Variants in KIF1A observed in about 807,000 individuals in gnomAD.
KIF1A encodes kinesin-like protein KIF1A.
A neutral mutation model predicts 227.3 loss-of-function variants in KIF1A; 46 were observed. That is an observed-to-expected ratio of 0.20 (90% CI 0.16 to 0.26). The LOEUF is 0.26. Ranked by LOEUF, KIF1A falls within the 10% of genes least tolerant of loss-of-function variation. The probability of loss-of-function intolerance (pLI) is 1.00; values close to 1 mark genes in which losing one functional copy is unlikely to be tolerated. For synonymous variants in KIF1A, 1,022 were observed against 1,012.8 expected (o/e 1.01, Z -0.17); for missense variants, 1,683 against 2,485.9 (o/e 0.68, Z 6.87).
At chr2:240,754,156 C>A (rs978615835) in intron 27 of KIF1A, among the ~76,000 whole-genome samples, 2 of 152,214 alleles carry the variant, frequency 1.3e-5, no homozygotes, top group Non-Finnish European at 2.9e-5. Flanking sequence ...CCAGACTGTG[C>A]CCCAAAGGTG....
Position 240,766,745 on chromosome 2 carries a change from T to TCACACACA in KIF1A, c.1684+169_1684+170insTGTGTGTG, listed in dbSNP as rs1263248431. ...AAATCTCTCTCTCTCTCTCTCTCTC[T>TCACACACA]CTCTCACACACACACACACACACAC... On this transcript the variant is annotated intron_variant, in intron 19 of 48. Transcript: ENST00000498729. The surrounding 1 kb of genome is among the most constrained non-coding windows in gnomAD (Gnocchi z 5.0). Among the ~76,000 whole-genome samples, 2,411 of 126,648 alleles carry TCACACACA rather than the reference T, an allele frequency of 0.019. 38 individuals carry two copies. The highest frequency in any genetic ancestry group is 0.028 in the Middle Eastern group (7 of 252). 83.1% of individuals were successfully genotyped at this position (126,648 alleles called of 152,430 possible).
In KIF1A at chr2:240,778,288, C is replaced by G. The variant is rs2053046586; in HGVS notation, c.883-2362G>C. 6.6e-6 allele frequency among the ~76,000 whole-genome samples: 1 copy of G among 152,066 alleles called. No individual in the cohort carries two copies. The highest frequency in any genetic ancestry group is 1.5e-5 in the Non-Finnish European group (1 of 68,018). ...TTTACACAGTTCCACGCGATCCTCA[C>G]CTAGGTCTCTACATAGGGCCTCGTT... is the stretch of plus-strand genomic sequence containing the variant. On this transcript the variant is annotated intron_variant, in intron 10 of 48. Transcript: ENST00000498729. The surrounding 1 kb of genome is among the most constrained non-coding windows in gnomAD (Gnocchi z 7.2).
chr2:240,720,878 G>A (rs1351585318), intron 45 of KIF1A, 36 bp downstream of exon 45: 3 of 1,523,414 alleles, frequency 2.0e-6, no homozygotes, highest in East Asian at 2.4e-5. Context: ...CAGCCGTGGT[G>A]CCAGAAGCCA....
intron 31 of KIF1A, 98 bp from the exon 32 acceptor site, chr2:240,745,615 G>C: frequency 6.8e-7 from 1 of 1,476,382 alleles, no homozygotes; most frequent in East Asian, 2.4e-5. Context: ...GGGGCGTTCA[G>C]GGCCTGCGGG....
chr2:240,769,012 T>C, intron 17 of KIF1A, 121 bp downstream of exon 17: 1 of 847,554 alleles, frequency 1.2e-6, no homozygotes, highest in Non-Finnish European at 2.0e-6. Context: ...CCCCAGTGCC[T>C]GGGCCAGAGC....
Position 240,787,242 on chromosome 2 carries a change from G to T in KIF1A, c.429+9C>A. On this transcript the variant is annotated intron_variant, in intron 5 of 48. Coordinates refer to ENST00000498729, the MANE Select transcript of KIF1A (RefSeq NM_001244008.2). ...GCCCCAGCGGCCAACGGCAGGCGGG[G>T]AGCCCTACCTCCACGGAGTAGGACA... The T allele has an allele frequency of 6.2e-7, 1 of 1,610,574 alleles. No individual in the cohort carries two copies. Among genetic ancestry groups the T allele is most frequent in the Non-Finnish European group, 8.5e-7 (1 of 1,177,552 alleles).
rs1230370623 is a variant in KIF1A, at chr2:240,725,619, C to T, written c.4123-215G>A. ...GACAGGTAGCCACAGCTCTGTCCAC[C>T]CCTGGGCTGCCTGAGGGACTGGTCT... is the stretch of plus-strand genomic sequence containing the variant. On this transcript the variant is annotated intron_variant, in intron 39 of 48. Coordinates refer to ENST00000498729, the MANE Select transcript of KIF1A (RefSeq NM_001244008.2). This position sits in a 1 kb window ranked among gnomAD's most constrained non-coding sequence, Gnocchi z 5.8. 7 of 557,976 alleles carry T rather than the reference C, an allele frequency of 1.3e-5. No homozygotes were observed. The highest frequency in any genetic ancestry group is 4.7e-4 in the Middle Eastern group (1 of 2,106). The allele number at this position is 557,976 out of a possible 1,614,324, so 34.6% of individuals were successfully genotyped here. A position where few individuals can be genotyped will look rare whatever the true frequency, so the allele number is the denominator to read the frequency against.
rs1270562558 is a variant in KIF1A, at chr2:240,736,247, G to A, written c.4007+816C>T. 6.6e-6 allele frequency among the ~76,000 whole-genome samples: 1 copy of A among 152,132 alleles called. No individual in the cohort carries two copies. The highest frequency in any genetic ancestry group is 6.5e-5 in the Admixed American group (1 of 15,282). The stretch of plus-strand genomic sequence containing the variant: ...AAACACAGCCATGGAGACACCTGCG[G>A]CTTCAGCTCTGAGGGTCCACTCTGG... On this transcript the variant is annotated intron_variant, in intron 38 of 48. Transcript: ENST00000498729. The surrounding 1 kb of genome is among the most constrained non-coding windows in gnomAD (Gnocchi z 4.7).
chr2:240,740,101 T>C lies in KIF1A; in HGVS notation c.3858A>G (p.Thr1286=). Residue 1286 remains threonine (T), a synonymous_variant, in exon 37 of 49, where the codon ACA becomes ACG. Transcript: ENST00000498729. The surrounding 1 kb of genome is among the most constrained non-coding windows in gnomAD (Gnocchi z 6.1). ...CTTCCTTCCAGCGGATATGGCTGCC[T>C]GTCTCATGCAGTAGTGTCACCGTAA... ...RRITVTLLHE[T]GSHIRWKEVR... The C allele has an allele frequency of 6.3e-7, 1 of 1,590,504 alleles. No individual in the cohort carries two copies. The highest frequency in any genetic ancestry group is 1.1e-5 in the South Asian group (1 of 87,298).
intron 1 of KIF1A, 56 bp from the exon 2 acceptor site, chr2:240,797,868 A>G: frequency 1.5e-6 from 1 of 653,524 alleles, no homozygotes; most frequent in Non-Finnish European, 2.7e-6. Context: ...CAGGACAGGC[A>G]CTCCGGCTGC....
At chr2:240,768,500 G>A (rs965919679) in intron 17 of KIF1A, among the ~76,000 whole-genome samples, 12 of 152,364 alleles carry the variant, frequency 7.9e-5, no homozygotes, top group African/African-American at 2.9e-4. Context: ...TGGGGTGGGT[G>A]TGTGGGGGTT....
chr2:240,745,044 T>C (rs889585464), intron 32 of KIF1A, among the ~76,000 whole-genome samples: 1 of 152,082 alleles, frequency 6.6e-6, no homozygotes, highest in African/African-American at 2.4e-5. Flanking sequence ...CTCGGGACGT[T>C]GCCGGCACCC....
intron 2 of KIF1A, among the ~76,000 whole-genome samples, chr2:240,795,716 A>G (rs1002738697): frequency 2.6e-5 from 4 of 152,216 alleles, no homozygotes; most frequent in African/African-American, 9.6e-5. Flanking sequence ...GCCAGGGGGC[A>G]GGTCGGAGGC....
In KIF1A at chr2:240,725,288, G is replaced by T; in HGVS notation, c.4239C>A (p.Ser1413Arg). ...GAGCTTACCTCTCTGAGGCCCGAAG[G>T]CTCCCACTGCCAAAGAGGTTGCGGA... is the stretch of plus-strand genomic sequence containing the variant. ...RSIRNLFGSG[S>R]LRASESNRVT... Residue 1413 changes from serine to arginine, a missense_variant, in exon 40 of 49, where the codon AGC (serine) becomes AGA (arginine). Transcript: ENST00000498729. The surrounding 1 kb of genome is among the most constrained non-coding windows in gnomAD (Gnocchi z 5.8). 6.2e-7 allele frequency: 1 copy of T among 1,606,124 alleles called. No homozygotes were observed. The highest frequency in any genetic ancestry group is 1.3e-5 in the African/African-American group (1 of 74,914).
At position 240,775,993 on chromosome 2, in the gene KIF1A, G is replaced by A; in HGVS notation, c.883-67C>T. The A allele has an allele frequency of 1.8e-6, 2 of 1,107,794 alleles. No individual in the cohort carries two copies. Among genetic ancestry groups the A allele is most frequent in the Non-Finnish European group, 2.8e-6 (2 of 725,330 alleles). The allele number at this position is 1,107,794 out of a possible 1,614,324, so 68.6% of individuals were successfully genotyped here. A position where few individuals can be genotyped will look rare whatever the true frequency, so the allele number is the denominator to read the frequency against. ...CAGAGGAAGCGAAAGGGAGGGGCCA[G>A]CGCAGGCCCTGCCAAGTGGGTCCTC... On this transcript the variant is annotated intron_variant, in intron 10 of 48. Coordinates refer to ENST00000498729, the MANE Select transcript of KIF1A (RefSeq NM_001244008.2). The surrounding 1 kb of genome is among the most constrained non-coding windows in gnomAD (Gnocchi z 5.5).
At chr2:240,785,188 A>T in intron 6 of KIF1A, 88 bp from the exon 7 acceptor site, 1 of 1,088,184 alleles carries the variant, frequency 9.2e-7, no homozygotes, top group Middle Eastern at 3.0e-4. Context: ...GAACCAGGTC[A>T]TCGGGGGGGG....
chr2:240,818,260 A>T (rs2058468882), intron 1 of KIF1A, among the ~76,000 whole-genome samples: 1 of 152,088 alleles, frequency 6.6e-6, no homozygotes. Flanking sequence ...GAAGCTGTTC[A>T]TCCGGGCCCT....
intron 37 of KIF1A, among the ~76,000 whole-genome samples, chr2:240,737,806 C>T (rs1402603341): frequency 6.6e-6 from 1 of 152,216 alleles, no homozygotes; most frequent in Non-Finnish European, 1.5e-5. Flanking sequence ...AGTGACAGTT[C>T]TGCTCATTCA....
chr2:240,763,962 A>C (rs192814345), intron 20 of KIF1A, among the ~76,000 whole-genome samples: 2 of 149,734 alleles, frequency 1.3e-5, no homozygotes, highest in East Asian at 2.0e-4. Context: ...AGCCCCTCCC[A>C]CCCCAGCACC....
Sources: allele counts gnomAD v4.1 joint callset (sites outside exome capture counted in the v4.1 genomes callset), GRCh38; gene constraint gnomAD v4.1.1; non-coding constraint Gnocchi (gnomAD v3.1); transcripts MANE v1.5; gene names NCBI Gene and HGNC (gene_info 2026-07-23, HGNC 2026-07-21).